EXT2: variants seen among roughly 807,000 people sequenced by gnomAD.
The protein encoded by EXT2 is exostosin-2.
EXT2 carries 53 observed loss-of-function variants against 81.6 expected under a neutral mutation model. The ratio of observed to expected loss-of-function variants is 0.65; its 90% CI spans 0.52 to 0.82. The LOEUF (loss-of-function observed/expected upper bound fraction) is 0.82, where lower values mean the gene tolerates loss of function less well. EXT2 is among the 40% of genes least tolerant of loss of function. EXT2 has a pLI of 0.00. For synonymous variants in EXT2, 320 were observed against 340.0 expected (o/e 0.94, Z 0.65); for missense variants, 774 against 910.2 (o/e 0.85, Z 1.93).
intron 8 of EXT2, among the ~76,000 whole-genome samples, chr11:44,195,681 A>G (rs1955447894): frequency 6.6e-6 from 1 of 152,122 alleles, no homozygotes; most frequent in Non-Finnish European, 1.5e-5. Context: ...TCCATCAGTG[A>G]TATGGATGAG....
intron 4 of EXT2, among the ~76,000 whole-genome samples, chr11:44,119,102 C>G (rs1038757955): frequency 1.6e-5 from 2 of 128,204 alleles, no homozygotes; most frequent in Non-Finnish European, 3.3e-5. Flanking sequence ...ATGATTATGT[C>G]CCCCAGGGGA....
Position 44,250,067 on chromosome 11 carries a change from C to T in EXT2, c.*5780C>T, listed in dbSNP as rs907373248. Among the ~76,000 whole-genome samples, 13 of 152,192 alleles carry T rather than the reference C, an allele frequency of 8.5e-5. No homozygotes were observed. The highest frequency in any genetic ancestry group is 8.5e-4 in the Admixed American group (13 of 15,284). On this transcript the variant is annotated 3_prime_UTR_variant, in exon 14 of 14. Transcript: ENST00000533608. ...CCTGGGCGACAGAGCAAGACTCCGT[C>T]TCAAAAGAGAAAATGTTGTCTTTGC...
chr11:44,099,989 C>T (rs938340607), intron 1 of EXT2, among the ~76,000 whole-genome samples: 3 of 152,128 alleles, frequency 2.0e-5, no homozygotes, highest in African/African-American at 7.2e-5. Flanking sequence ...GAGGAGTTTA[C>T]GTGTCTGAGG....
At chr11:44,096,211 C>T in intron 1 of EXT2, 1 of 1,529,368 alleles carries the variant, frequency 6.5e-7, no homozygotes. Flanking sequence ...TTCCTGCTGC[C>T]ACCTTCCCGC....
intron 9 of EXT2, among the ~76,000 whole-genome samples, chr11:44,203,815 C>T (rs909902416): frequency 6.6e-6 from 1 of 152,190 alleles, no homozygotes; most frequent in African/African-American, 2.4e-5. Context: ...CACCCCCATG[C>T]GCTGCACTGG....
intron 7 of EXT2, among the ~76,000 whole-genome samples, chr11:44,158,346 A>G (rs532736872): frequency 2.6e-5 from 4 of 152,278 alleles, no homozygotes; most frequent in East Asian, 3.9e-4. Context: ...TACTTTAGCC[A>G]TTAACCCAAT....
intron 1 of EXT2, among the ~76,000 whole-genome samples, chr11:44,100,891 C>T (rs2134947414): frequency 6.6e-6 from 1 of 152,130 alleles, no homozygotes; most frequent in Non-Finnish European, 1.5e-5. Context: ...TAGAGGTATG[C>T]ACCTCTCTGA....
At chr11:44,186,982 T>TTTCC (rs71035681) in intron 8 of EXT2, among the ~76,000 whole-genome samples, 9,523 of 78,614 alleles carry the variant, frequency 0.12, 835 homozygotes, top group Admixed American at 0.21. Flanking sequence ...TTGTACAAAA[T>TTTCC]TTCCTTCCTT....
At chr11:44,199,069 A>G (rs748806562) in intron 9 of EXT2, among the ~76,000 whole-genome samples, 1 of 152,186 alleles carries the variant, frequency 6.6e-6, no homozygotes, top group Non-Finnish European at 1.5e-5. Context: ...TAAAACAGCT[A>G]TTTTAAATGA....
At position 44,237,902 on chromosome 11, in the gene EXT2, TAAAAAAAAA is replaced by T. The variant is rs374084527; in HGVS notation, c.2018+1547_2018+1555del. On this transcript the variant is annotated intron_variant, in intron 13 of 13. Coordinates refer to ENST00000533608, the MANE Select transcript of EXT2 (RefSeq NM_207122.2). ...AACATGGTGAAACCCCGTCTCTACT[TAAAAAAAAA>T]AAAAAAAAAAAAAAAAAAACATACA... is the stretch of plus-strand genomic sequence containing the variant. Among the ~76,000 whole-genome samples, 68 of 56,368 alleles carry T rather than the reference TAAAAAAAAA, an allele frequency of 1.2e-3. 1 individual carries two copies. The highest frequency in any genetic ancestry group is 5.4e-4 in the East Asian group (1 of 1,848). 37.0% of individuals were successfully genotyped at this position (56,368 alleles called of 152,430 possible).
chr11:44,160,833 T>G (rs1249588308), intron 7 of EXT2, among the ~76,000 whole-genome samples: 1 of 152,226 alleles, frequency 6.6e-6, no homozygotes, highest in Admixed American at 6.5e-5. Flanking sequence ...GCTGGCTAAT[T>G]TACTGAACTT....
intron 11 of EXT2, among the ~76,000 whole-genome samples, chr11:44,233,487 G>C (rs1036277585): frequency 3.3e-5 from 5 of 152,100 alleles, no homozygotes; most frequent in Non-Finnish European, 7.4e-5. Context: ...AGAGATTGGG[G>C]AATATGCATT....
intron 9 of EXT2, among the ~76,000 whole-genome samples, chr11:44,205,371 A>G (rs1038566208): frequency 1.3e-5 from 2 of 152,228 alleles, no homozygotes; most frequent in South Asian, 4.1e-4. Flanking sequence ...GTGTTCATGC[A>G]TTATTCCAAA....
chr11:44,182,752 T>C (rs1006737452), intron 8 of EXT2, among the ~76,000 whole-genome samples: 2 of 152,198 alleles, frequency 1.3e-5, no homozygotes, highest in Non-Finnish European at 2.9e-5. Context: ...CACAATAAAG[T>C]GATTGAAATC....
At chr11:44,105,659 T>C (rs889433220) in intron 1 of EXT2, among the ~76,000 whole-genome samples, 1 of 152,192 alleles carries the variant, frequency 6.6e-6, no homozygotes, top group East Asian at 1.9e-4. Flanking sequence ...ACATGGTAAG[T>C]ATGTGGCAGA....
intron 8 of EXT2, among the ~76,000 whole-genome samples, chr11:44,184,336 G>A (rs1275529382): frequency 1.3e-5 from 2 of 152,166 alleles, no homozygotes; most frequent in Non-Finnish European, 2.9e-5. Context: ...AGCATTCTTG[G>A]TTTAATAAAA....
At chr11:44,228,702 C>G (rs1955864864) in intron 10 of EXT2, among the ~76,000 whole-genome samples, 1 of 152,178 alleles carries the variant, frequency 6.6e-6, no homozygotes, top group Non-Finnish European at 1.5e-5. Context: ...CAGGACACCT[C>G]TGATGCCTTT....
chr11:44,119,627 T>C (rs183811703), intron 4 of EXT2, among the ~76,000 whole-genome samples: 51 of 152,346 alleles, frequency 3.3e-4, no homozygotes, highest in African/African-American at 1.0e-3. Flanking sequence ...TTGTGCAGTT[T>C]GGATACAGTG....
chr11:44,233,980 T>C (rs1955928645), intron 11 of EXT2, 135 bp from the exon 12 acceptor site: 1 of 1,256,884 alleles, frequency 8.0e-7, no homozygotes, highest in Non-Finnish European at 1.1e-6. Context: ...CCTTTTACCC[T>C]TCCTATTAAT....
Sources: gnomAD v4.1 joint callset for allele counts (sites outside exome capture counted in the v4.1 genomes callset) on GRCh38, gnomAD v4.1.1 for gene constraint, MANE v1.5 for transcripts, NCBI Gene and HGNC (gene_info 2026-07-23, HGNC 2026-07-21) for gene names.